Variants in PCDHGA10 observed in about 807,000 individuals in gnomAD.
PCDHGA10 encodes protocadherin gamma subfamily A, 10.
A neutral mutation model predicts 59.5 loss-of-function variants in PCDHGA10; 42 were observed. The ratio of observed to expected loss-of-function variants is 0.71; its 90% CI spans 0.55 to 0.91. PCDHGA10 has a LOEUF of 0.91. Among genes scored for constraint, PCDHGA10 ranks in the 40% least tolerant of loss-of-function variants. The pLI, the probability that PCDHGA10 is intolerant of heterozygous loss-of-function variation, is 0.00. For synonymous variants in PCDHGA10, 511 were observed against 517.2 expected (o/e 0.99, Z 0.16); for missense variants, 1,111 against 1,198.2 (o/e 0.93, Z 1.07).
At chr5:141,475,132 T>C (rs563015610) in intron 1 of PCDHGA10, among the ~76,000 whole-genome samples, 14 of 152,322 alleles carry the variant, frequency 9.2e-5, no homozygotes, top group African/African-American at 2.6e-4. Context: ...TTTTTTCTTT[T>C]TGAAATCTTC....
intron 1 of PCDHGA10, chr5:141,441,346 G>A (rs1265971154): frequency 2.0e-5 from 3 of 152,340 alleles, no homozygotes; most frequent in African/African-American, 7.2e-5. Context: ...TTAACTACAT[G>A]CTTGTAACAA....
intron 1 of PCDHGA10, among the ~76,000 whole-genome samples, chr5:141,444,558 T>C (rs2098440789): frequency 6.6e-6 from 1 of 152,190 alleles, no homozygotes; most frequent in African/African-American, 2.4e-5. Context: ...AAGGCACTTA[T>C]TTGACACTTT....
chr5:141,427,467 T>TC, intron 1 of PCDHGA10: 1 of 508,052 alleles, frequency 2.0e-6, no homozygotes. Flanking sequence ...AATCGAATCT[T>TC]CCGCCAATAA....
intron 1 of PCDHGA10, chr5:141,423,195 G>A: frequency 1.2e-6 from 2 of 1,613,544 alleles, no homozygotes; most frequent in Non-Finnish European, 8.5e-7. Flanking sequence ...CCCCTCTCTC[G>A]GCCACCGTCA....
At chr5:141,452,635 T>C (rs1426970634) in intron 1 of PCDHGA10, among the ~76,000 whole-genome samples, 1 of 152,086 alleles carries the variant, frequency 6.6e-6, no homozygotes, top group Non-Finnish European at 1.5e-5. Context: ...GCTATGAATA[T>C]ATTTACTCAT....
intron 1 of PCDHGA10, among the ~76,000 whole-genome samples, chr5:141,474,187 T>A (rs2099345004): frequency 6.6e-6 from 1 of 152,210 alleles, no homozygotes; most frequent in South Asian, 2.1e-4. Context: ...ACTACTTACA[T>A]TTTTAAAAGC....
chr5:141,438,627 T>C (rs55817844), intron 1 of PCDHGA10, among the ~76,000 whole-genome samples: 510 of 47,978 alleles, frequency 0.011, 3 homozygotes, highest in Admixed American at 0.017. Context: ...TATATATATA[T>C]ATATATATAC....
chr5:141,501,288 T>TATACACATAC (rs201660636), intron 2 of PCDHGA10, among the ~76,000 whole-genome samples: 2 of 81,228 alleles, frequency 2.5e-5, no homozygotes, highest in African/African-American at 9.9e-5. Flanking sequence ...GATATTCCCT[T>TATACACATAC]ATACACACAC....
At position 141,413,066 on chromosome 5, in the gene PCDHGA10, A is replaced by T; in HGVS notation, c.-110A>T. ...TGCAGGGAAGCTCACTCCAGAATTTAAAGTGCCCAGGCTACAGAGACACCC... is the reference window on the plus strand; with the variant it reads ...TGCAGGGAAGCTCACTCCAGAATTTTAAGTGCCCAGGCTACAGAGACACCC... On this transcript the variant is annotated 5_prime_UTR_variant, in exon 1 of 4. Coordinates refer to ENST00000398610, the MANE Select transcript of PCDHGA10 (RefSeq NM_018913.3). The T allele has an allele frequency of 1.7e-6, 2 of 1,161,944 alleles. No homozygotes were observed. Among genetic ancestry groups the T allele is most frequent in the Non-Finnish European group, 2.4e-6 (2 of 838,816 alleles). The allele number at this position is 1,161,944 out of a possible 1,614,324, so 72.0% of individuals were successfully genotyped here.
chr5:141,433,174 G>A (rs1298757358), intron 1 of PCDHGA10: 1 of 1,610,308 alleles, frequency 6.2e-7, no homozygotes, highest in Non-Finnish European at 8.5e-7. Context: ...ACAGTCATGG[G>A]TTAATTGAGG....
At chr5:141,421,436 G>C (rs373015809) in intron 1 of PCDHGA10, 6 of 1,613,994 alleles carry the variant, frequency 3.7e-6, no homozygotes, top group African/African-American at 2.7e-5. Context: ...ATCGTCTCCA[G>C]AGGGAAGACA....
chr5:141,453,540 A>G (rs890130466), intron 1 of PCDHGA10, among the ~76,000 whole-genome samples: 2 of 152,058 alleles, frequency 1.3e-5, no homozygotes, highest in Non-Finnish European at 2.9e-5. Context: ...CCTCATTCAC[A>G]CCACACTCTG....
rs112078596 is a variant in PCDHGA10, at chr5:141,490,350, G to A, written c.2437-4457G>A. ...GCACACCAGTGGGCACAGTAGTGGG[G>A]TTGTTTAATGTGCGAGACCGGGACT... On this transcript the variant is annotated intron_variant, in intron 1 of 3. Coordinates refer to ENST00000398610, the MANE Select transcript of PCDHGA10 (RefSeq NM_018913.3). The surrounding 1 kb of genome is among the most constrained non-coding windows in gnomAD (Gnocchi z 5.4). 3.5e-5 allele frequency: 57 copies of A among 1,614,086 alleles called. No homozygotes were observed. The highest frequency in any genetic ancestry group is 4.6e-5 in the Non-Finnish European group (54 of 1,180,042).
Position 141,432,220 on chromosome 5 carries a change from C to T in PCDHGA10, c.2436+16609C>T. The T allele has an allele frequency of 6.2e-7, 1 of 1,614,246 alleles. No homozygotes were observed. Among genetic ancestry groups the T allele is most frequent in the Non-Finnish European group, 8.5e-7 (1 of 1,180,040 alleles). Reference sequence around the variant, plus strand: ...CCGACTGTGAAGAGAACGCCCAGATCACTTATTCCCTGGCTGAGAACACCA... The same window carrying T: ...CCGACTGTGAAGAGAACGCCCAGATTACTTATTCCCTGGCTGAGAACACCA... On this transcript the variant is annotated intron_variant, in intron 1 of 3. Coordinates refer to ENST00000398610, the MANE Select transcript of PCDHGA10 (RefSeq NM_018913.3). The surrounding 1 kb of genome is among the most constrained non-coding windows in gnomAD (Gnocchi z 6.0).
chr5:141,494,386 T>G (rs2099753905), intron 1 of PCDHGA10, among the ~76,000 whole-genome samples: 1 of 152,198 alleles, frequency 6.6e-6, no homozygotes, highest in African/African-American at 2.4e-5. Context: ...GCTGAGGAGT[T>G]GAATAAATTC....
chr5:141,477,861 G>T lies in PCDHGA10; in HGVS notation c.2437-16946G>T. 6.2e-7 allele frequency: 1 copy of T among 1,612,714 alleles called. No homozygotes were observed. Among genetic ancestry groups the T allele is most frequent in the Non-Finnish European group, 8.5e-7 (1 of 1,179,590 alleles). ...GGGAGCTCGGTGGAGATGCTGCCTC[G>T]AGGTACCTCAGCTGGCCACCTAGTG... On this transcript the variant is annotated intron_variant, in intron 1 of 3. Coordinates refer to ENST00000398610, the MANE Select transcript of PCDHGA10 (RefSeq NM_018913.3). This position sits in a 1 kb window ranked among gnomAD's most constrained non-coding sequence, Gnocchi z 4.9.
chr5:141,433,379 CTAT>C (rs2097594474), intron 1 of PCDHGA10, among the ~76,000 whole-genome samples: 1 of 151,230 alleles, frequency 6.6e-6, no homozygotes, highest in Non-Finnish European at 1.5e-5. Context: ...ATCTATCTAT[CTAT>C]CTATCTATCT....
At position 141,418,594 on chromosome 5, in the gene PCDHGA10, C is replaced by G. The variant is rs775489120; in HGVS notation, c.2436+2983C>G. 2.9e-5 allele frequency: 47 copies of G among 1,613,904 alleles called. No individual in the cohort carries two copies. In the South Asian group the frequency reaches 4.6e-4, roughly 16 times the overall value. On this transcript the variant is annotated intron_variant, in intron 1 of 3. Transcript: ENST00000398610. ...ACAACCCCCCAGTGTTCAGCCAGGA[C>G]GTGTACAGGGTTAGCCTTCGGGAAG...
At position 141,490,406 on chromosome 5, in the gene PCDHGA10, T is replaced by G; in HGVS notation, c.2437-4401T>G. On this transcript the variant is annotated intron_variant, in intron 1 of 3. Transcript: ENST00000398610. This position sits in a 1 kb window ranked among gnomAD's most constrained non-coding sequence, Gnocchi z 5.4. ...AGAAATGGTGAAGTGAGCCTTGATA[T>G]CTCTCCGGACCTGCCATTTCAGATT... is the stretch of plus-strand genomic sequence containing the variant. The G allele has an allele frequency of 1.9e-6, 3 of 1,614,112 alleles. No individual in the cohort carries two copies. Among genetic ancestry groups the G allele is most frequent in the Non-Finnish European group, 2.5e-6 (3 of 1,180,020 alleles).
Sources: gnomAD v4.1 joint callset for allele counts (sites outside exome capture counted in the v4.1 genomes callset) on GRCh38, gnomAD v4.1.1 for gene constraint, Gnocchi (gnomAD v3.1) non-coding constraint, MANE v1.5 for transcripts, NCBI Gene and HGNC (gene_info 2026-07-23, HGNC 2026-07-21) for gene names.